Variants in NBAS observed in about 807,000 individuals in gnomAD.
NBAS encodes NBAS subunit of NRZ tethering complex.
In NBAS, 219 loss-of-function variants were observed where a neutral mutation model predicts 302.5. That is an observed-to-expected ratio of 0.72 (90% CI 0.65 to 0.81). The LOEUF (loss-of-function observed/expected upper bound fraction) is 0.81, where lower values mean the gene tolerates loss of function less well. Ranked by LOEUF, NBAS falls within the 30% of genes least tolerant of loss-of-function variation. The pLI is 0.00. For synonymous variants in NBAS, 1,118 were observed against 1,021.6 expected, an observed-to-expected ratio of 1.09 and a Z score of -1.80; for missense variants, 2,932 against 2,841.6, an observed-to-expected ratio of 1.03 and a Z score of -0.72.
At chr2:15,187,995 C>T (rs2125135037) in intron 49 of NBAS, among the ~76,000 whole-genome samples, 1 of 152,318 alleles carries the variant, frequency 6.6e-6, no homozygotes. Context: ...CAAGGACTTC[C>T]CCTCTTTTCT....
At chr2:15,540,750 T>C (rs1357677243) in intron 6 of NBAS, among the ~76,000 whole-genome samples, 3 of 150,804 alleles carry the variant, frequency 2.0e-5, no homozygotes, top group Non-Finnish European at 4.4e-5. Context: ...TGAGATAGAG[T>C]CTCACTCTGT....
At chr2:14,909,278 C>T in the NBAS span, among the ~76,000 whole-genome samples, 1 of 149,006 alleles carries the variant, frequency 6.7e-6, no homozygotes, top group Admixed American at 6.7e-5. Context: ...CGGGATTGTG[C>T]CACTGCACTC....
At chr2:15,285,333 T>C (rs778594646) in intron 42 of NBAS, among the ~76,000 whole-genome samples, 9 of 152,318 alleles carry the variant, frequency 5.9e-5, no homozygotes, top group East Asian at 5.8e-4. Context: ...TTTCTTCCCA[T>C]GGCTTCCCTA....
At chr2:15,336,603 A>C (rs991572295) in intron 35 of NBAS, among the ~76,000 whole-genome samples, 3 of 152,048 alleles carry the variant, frequency 2.0e-5, no homozygotes, top group Admixed American at 6.6e-5. Context: ...GGTGGCACAC[A>C]CCACTAATCC....
rs1373828896 is a variant in NBAS, at chr2:15,542,002, TGG to T, written c.380-2648_380-2647del. The stretch of plus-strand genomic sequence containing the variant: ...CCAGCCACCCCGTCCGGGAGGGAGG[TGG>T]GGGGGTTCAGCCCCCCGCCCGGCCA... On this transcript the variant is annotated intron_variant, in intron 6 of 51. Coordinates refer to ENST00000281513, the MANE Select transcript of NBAS (RefSeq NM_015909.4). Among the ~76,000 whole-genome samples, 4 of 66,842 alleles carry T rather than the reference TGG, an allele frequency of 6.0e-5. 1 individual carries two copies. In the South Asian group the frequency reaches 1.4e-3, roughly 24 times the overall value. 43.9% of individuals were successfully genotyped at this position (66,842 alleles called of 152,430 possible).
chr2:15,472,029 T>A (rs1294123408), intron 16 of NBAS, among the ~76,000 whole-genome samples: 2 of 152,154 alleles, frequency 1.3e-5, no homozygotes, highest in African/African-American at 4.8e-5. Context: ...ACAGGAAGTA[T>A]CCAGTTTTGA....
At chr2:15,057,412 A>T in the NBAS span, among the ~76,000 whole-genome samples, 3 of 150,532 alleles carry the variant, frequency 2.0e-5, no homozygotes, top group Admixed American at 2.0e-4. Context: ...TTAAGTTCCA[A>T]GTTTATTCTA....
intron 38 of NBAS, among the ~76,000 whole-genome samples, chr2:15,326,469 C>T (rs998027801): frequency 6.6e-6 from 1 of 152,126 alleles, no homozygotes; most frequent in Non-Finnish European, 1.5e-5. Context: ...CTTAAGGTCT[C>T]AGATTCTATC....
At chr2:15,525,173 G>T (rs916553433) in intron 9 of NBAS, among the ~76,000 whole-genome samples, 1 of 152,118 alleles carries the variant, frequency 6.6e-6, no homozygotes, top group Non-Finnish European at 1.5e-5. Flanking sequence ...TGCTCAAACT[G>T]GTTCTCCCAG....
At chr2:14,968,728 T>C in the NBAS span, among the ~76,000 whole-genome samples, 1 of 152,236 alleles carries the variant, frequency 6.6e-6, no homozygotes, top group African/African-American at 2.4e-5. Context: ...AAATTGGAAC[T>C]CTCTTATATT....
intron 40 of NBAS, among the ~76,000 whole-genome samples, chr2:15,296,840 A>AAAATAAAT (rs200197862): frequency 3.3e-5 from 5 of 152,158 alleles, no homozygotes; most frequent in African/African-American, 1.2e-4. Flanking sequence ...CCTGATCTCA[A>AAAATAAAT]AAATAAATAA....
At chr2:15,030,657 C>G in the NBAS span, among the ~76,000 whole-genome samples, 1 of 152,296 alleles carries the variant, frequency 6.6e-6, no homozygotes, top group South Asian at 2.1e-4. Context: ...CTGAATTTCT[C>G]CACCTCTGAA....
intron 44 of NBAS, among the ~76,000 whole-genome samples, chr2:15,253,641 G>A (rs999585635): frequency 3.3e-5 from 5 of 152,156 alleles, no homozygotes; most frequent in African/African-American, 1.2e-4. Flanking sequence ...AAGGTGTGAA[G>A]CCTGTGCTCT....
chr2:15,331,333 C>T (rs1427004666), intron 35 of NBAS, among the ~76,000 whole-genome samples: 1 of 152,200 alleles, frequency 6.6e-6, no homozygotes, highest in Non-Finnish European at 1.5e-5. Context: ...GAAATTCTCA[C>T]TCTCCATTTA....
At chr2:14,954,318 C>T in the NBAS span, among the ~76,000 whole-genome samples, 2 of 152,110 alleles carry the variant, frequency 1.3e-5, no homozygotes, top group Admixed American at 1.3e-4. Context: ...AGGAAAGATG[C>T]AGGATGCCTG....
chr2:15,528,866 C>CAAAAAAAAA, intron 9 of NBAS, among the ~76,000 whole-genome samples: 1 of 88,720 alleles, frequency 1.1e-5, no homozygotes, highest in South Asian at 3.9e-4. Context: ...GACTCCATCT[C>CAAAAAAAAA]AAAAAAAAAA....
the NBAS span, among the ~76,000 whole-genome samples, chr2:14,844,016 T>A: frequency 6.6e-6 from 1 of 152,066 alleles, no homozygotes; most frequent in African/African-American, 2.4e-5. Flanking sequence ...TGAATTGGGC[T>A]CAGAGCCAGT....
chr2:15,400,284 C>T (rs972692031), intron 26 of NBAS, among the ~76,000 whole-genome samples: 4 of 150,708 alleles, frequency 2.7e-5, no homozygotes, highest in Non-Finnish European at 5.9e-5. Flanking sequence ...AAATAGTTTT[C>T]ACGACTGCAA....
chr2:14,865,121 A>G, the NBAS span, among the ~76,000 whole-genome samples: 2 of 152,146 alleles, frequency 1.3e-5, no homozygotes, highest in Non-Finnish European at 2.9e-5. Context: ...TCTTAACTAT[A>G]CTAGAGCTTA....
Sources: allele counts gnomAD v4.1 joint callset (sites outside exome capture counted in the v4.1 genomes callset), GRCh38; gene constraint gnomAD v4.1.1; transcripts MANE v1.5; gene names NCBI Gene and HGNC (gene_info 2026-07-23, HGNC 2026-07-21).